The following STON1 variants were observed in gnomAD, a reference collection of about 807,000 sequenced individuals.
STON1 encodes stonin 1.
A neutral mutation model predicts 60.9 loss-of-function variants in STON1; 79 were observed. The ratio of observed to expected loss-of-function variants is 1.30; its 90% confidence interval spans 1.08 to 1.56. STON1 has a LOEUF of 1.56. STON1 is among the 40% of genes most tolerant of loss of function. STON1 has a pLI of 0.00. For synonymous variants in STON1, 363 were observed against 306.9 expected (o/e 1.18, Z -1.91); for missense variants, 1,166 against 858.9 (o/e 1.36, Z -4.47).
rs545488975 is a variant in STON1 at position 48,544,131 on chromosome 2, AAAT to A, written c.-48+13925_-48+13927del. ...TTGCTTTTTGCAAGTATCTCATCAG[AAAT>A]AATAATAATGATGATAGCTATGACT... On this transcript the variant is annotated intron_variant, in intron 1 of 3. Transcript: ENST00000404752. Among the ~76,000 whole-genome samples, 12 of 152,188 alleles carry A rather than the reference AAAT, an allele frequency of 7.9e-5. No individual in the cohort carries two copies. In the South Asian group the frequency reaches 1.9e-3, roughly 24 times the overall value.
intron 1 of STON1, among the ~76,000 whole-genome samples, chr2:48,564,816 T>A (rs1367884648): frequency 3.5e-5 from 5 of 142,142 alleles, no homozygotes; most frequent in Non-Finnish European, 7.6e-5. Flanking sequence ...CACTGCAACC[T>A]CTGCCTCCTG....
intron 1 of STON1, among the ~76,000 whole-genome samples, chr2:48,547,614 A>G (rs1671916260): frequency 6.6e-6 from 1 of 152,186 alleles, no homozygotes; most frequent in Non-Finnish European, 1.5e-5. Context: ...TATGCTGAAA[A>G]TGTGCCCTGC....
intron 1 of STON1, among the ~76,000 whole-genome samples, chr2:48,532,965 TG>T (rs1671272523): frequency 6.6e-6 from 1 of 152,164 alleles, no homozygotes; most frequent in African/African-American, 2.4e-5. Context: ...GGCTCATGCC[TG>T]TGAAGTGCTA....
chr2:48,541,941 C>G (rs1326122351), intron 1 of STON1, among the ~76,000 whole-genome samples: 1 of 152,184 alleles, frequency 6.6e-6, no homozygotes, highest in Non-Finnish European at 1.5e-5. Context: ...CCCAACCATG[C>G]TGCTCCAGTC....
chr2:48,570,605 C>T (rs953560403), intron 1 of STON1, among the ~76,000 whole-genome samples: 1 of 152,102 alleles, frequency 6.6e-6, no homozygotes, highest in African/African-American at 2.4e-5. Context: ...CCATTGTATA[C>T]TAGATCCTTG....
At chr2:48,578,996 C>T (rs1673714190) in intron 1 of STON1, among the ~76,000 whole-genome samples, 1 of 150,128 alleles carries the variant, frequency 6.7e-6, no homozygotes, top group Non-Finnish European at 1.5e-5. Flanking sequence ...CAAGTTTTTT[C>T]AACACCACTT....
At position 48,582,451 on chromosome 2, in the gene STON1, A is replaced by C. The variant is rs1288456310; in HGVS notation, c.1818A>C (p.Leu606Phe). ...ACCGCCGAGCATGTCTGGGGAGTTT[A>C]CAGGAACTTGAATCTGAACCTGTCA... ...KMNRRACLGS[L>F]QELESEPVIQ... Residue 606 changes from leucine to phenylalanine, a missense_variant, in exon 2 of 4, where the codon TTA becomes TTC. Physicochemically the swap from Leu to Phe is conservative, Grantham distance 22. Coordinates refer to ENST00000404752, the MANE Select transcript of STON1 (RefSeq NM_006873.4). The C allele has an allele frequency of 1.1e-5, 17 of 1,614,122 alleles. No individual in the cohort carries two copies. Among genetic ancestry groups the C allele is most frequent in the Non-Finnish European group, 1.4e-5 (16 of 1,180,056 alleles).
chr2:48,590,797 C>A (rs1398027582), intron 2 of STON1, among the ~76,000 whole-genome samples: 4 of 152,022 alleles, frequency 2.6e-5, no homozygotes, highest in South Asian at 2.1e-4. Flanking sequence ...ATATTAAAGG[C>A]CAATATGCCC....
chr2:48,549,113 T>C (rs1465355766), intron 1 of STON1, among the ~76,000 whole-genome samples: 1 of 152,216 alleles, frequency 6.6e-6, no homozygotes, highest in African/African-American at 2.4e-5. Context: ...CAAGCTGTTT[T>C]CCCTCTGTGT....
chr2:48,556,826 C>T (rs1192331328), intron 1 of STON1, among the ~76,000 whole-genome samples: 4 of 64,228 alleles, frequency 6.2e-5, no homozygotes, highest in Admixed American at 1.4e-4. Flanking sequence ...CCGGACGGGG[C>T]GGCTGGCCGG....
chr2:48,554,103 T>G (rs897473757), intron 1 of STON1, among the ~76,000 whole-genome samples: 5 of 152,188 alleles, frequency 3.3e-5, no homozygotes, highest in African/African-American at 1.2e-4. Context: ...CTCCTGGTTG[T>G]GCTGGGCTGC....
At chr2:48,539,560 G>C (rs1484846043) in intron 1 of STON1, among the ~76,000 whole-genome samples, 1 of 152,004 alleles carries the variant, frequency 6.6e-6, no homozygotes, top group African/African-American at 2.4e-5. Flanking sequence ...GGAGTGCAGT[G>C]GTGTGATCTT....
chr2:48,546,752 TG>T (rs1016545369), intron 1 of STON1, among the ~76,000 whole-genome samples: 1 of 152,198 alleles, frequency 6.6e-6, no homozygotes, highest in Non-Finnish European at 1.5e-5. Flanking sequence ...TTTTTAGAGA[TG>T]GGGTGTCTTG....
intron 1 of STON1, among the ~76,000 whole-genome samples, chr2:48,548,497 T>C (rs1001082271): frequency 6.6e-6 from 1 of 152,002 alleles, no homozygotes; most frequent in Admixed American, 6.6e-5. Flanking sequence ...CATTTTTCTT[T>C]TTTTTTTTCT....
intron 1 of STON1, among the ~76,000 whole-genome samples, chr2:48,577,002 C>G (rs1303329996): frequency 6.7e-6 from 1 of 149,236 alleles, no homozygotes; most frequent in Non-Finnish European, 1.5e-5. Context: ...TGCCGTGAGC[C>G]AAGATCGCGC....
chr2:48,592,692 C>G (rs746961730), intron 3 of STON1, among the ~76,000 whole-genome samples: 11 of 151,620 alleles, frequency 7.3e-5, no homozygotes, highest in Non-Finnish European at 1.5e-4. Context: ...AACTCCCGAC[C>G]TTAGGTAATC....
At chr2:48,548,265 G>C (rs1203651612) in intron 1 of STON1, among the ~76,000 whole-genome samples, 2 of 152,120 alleles carry the variant, frequency 1.3e-5, no homozygotes, top group African/African-American at 2.4e-5. Context: ...ATTGAGCCTT[G>C]GCTGCTTCTG....
intron 2 of STON1, among the ~76,000 whole-genome samples, chr2:48,583,368 T>TGTGA (rs1311056510): frequency 5.3e-5 from 8 of 152,330 alleles, no homozygotes; most frequent in Admixed American, 4.6e-4. Context: ...GCATTACAGG[T>TGTGA]GTGAGCCACC....
At position 48,552,755 on chromosome 2, in the gene STON1, G is replaced by C. The variant is rs556310590; in HGVS notation, c.-48+22539G>C. On this transcript the variant is annotated intron_variant, in intron 1 of 3. Transcript: ENST00000404752. Reference sequence around the variant, plus strand: ...ACTGCACTCCAGCCTGGGCAACAGAGTGAGACTCCATCTCAAAAAACAAAT... The same window carrying C: ...ACTGCACTCCAGCCTGGGCAACAGACTGAGACTCCATCTCAAAAAACAAAT... 7.9e-5 allele frequency among the ~76,000 whole-genome samples: 12 copies of C among 152,298 alleles called. No homozygotes were observed. The East Asian group carries it at 2.1e-3, about 27-fold the overall frequency.
Sources: gnomAD v4.1 joint callset for allele counts (sites outside exome capture counted in the v4.1 genomes callset) on GRCh38, gnomAD v4.1.1 for gene constraint, MANE v1.5 for transcripts, NCBI Gene and HGNC (gene_info 2026-07-23, HGNC 2026-07-21) for gene names.